DNER: variants seen among roughly 807,000 people sequenced by gnomAD.
DNER encodes delta and Notch-like epidermal growth factor-related receptor.
Under a neutral mutation model 78.2 loss-of-function variants are expected in DNER, and 33 were observed. That is an observed-to-expected ratio of 0.42 (90% CI 0.32 to 0.56). The LOEUF (loss-of-function observed/expected upper bound fraction) is 0.56, where lower values mean the gene tolerates loss of function less well. Among genes scored for constraint, DNER ranks in the 20% least tolerant of loss-of-function variants. DNER has a pLI of 0.11. For missense variants in DNER, 918 were observed against 975.3 expected, an observed-to-expected ratio of 0.94 and a Z score of 0.78; for synonymous variants, 417 against 384.8, an observed-to-expected ratio of 1.08 and a Z score of -0.98.
At chr2:229,533,956 A>T (rs902266047) in intron 5 of DNER, among the ~76,000 whole-genome samples, 1 of 152,258 alleles carries the variant, frequency 6.6e-6, no homozygotes, top group Non-Finnish European at 1.5e-5. Flanking sequence ...GATATTGTAA[A>T]ATGAAATGCA....
chr2:229,672,117 C>G (rs566287960), intron 1 of DNER, among the ~76,000 whole-genome samples: 1 of 152,112 alleles, frequency 6.6e-6, no homozygotes, highest in East Asian at 1.9e-4. Flanking sequence ...ATGATTTGCC[C>G]GTGAATCTGT....
At chr2:229,446,809 A>G (rs908207778) in intron 8 of DNER, among the ~76,000 whole-genome samples, 2 of 152,230 alleles carry the variant, frequency 1.3e-5, no homozygotes, top group African/African-American at 4.8e-5. Context: ...AGCCAGTGAT[A>G]TAACATAATG....
intron 1 of DNER, among the ~76,000 whole-genome samples, chr2:229,678,738 A>T (rs564465305): frequency 1.3e-5 from 2 of 152,242 alleles, no homozygotes. Context: ...AGAAAAGTAC[A>T]TCAACTCATT....
At chr2:229,687,911 C>T (rs1485905827) in intron 1 of DNER, among the ~76,000 whole-genome samples, 1 of 152,144 alleles carries the variant, frequency 6.6e-6, no homozygotes. Context: ...CATTTCATTC[C>T]TTTCTTCCTG....
In DNER at chr2:229,564,324, T is replaced by TTCCTCACCCCATCACCATCATCATCATCA. The variant is rs1559168369; in HGVS notation, c.848-17261_848-17233dup. Among the ~76,000 whole-genome samples, 10 of 32,632 alleles carry TTCCTCACCCCATCACCATCATCATCATCA rather than the reference T, an allele frequency of 3.1e-4. No individual in the cohort carries two copies. The East Asian group carries it at 0.011, about 35-fold the overall frequency. The allele number at this position is 32,632 out of a possible 152,430, so 21.4% of individuals were successfully genotyped here. On this transcript the variant is annotated intron_variant, in intron 4 of 12. Coordinates refer to ENST00000341772, the MANE Select transcript of DNER (RefSeq NM_139072.4). Reference sequence around the variant, plus strand: ...TCCTCACCCCATCACCATCATCATCTTCCTCACCCCATCACCATCATCATC... The same window carrying TTCCTCACCCCATCACCATCATCATCATCA: ...TCCTCACCCCATCACCATCATCATCTTCCTCACCCCATCACCATCATCATCATCATCCTCACCCCATCACCATCATCATC...
At position 229,639,990 on chromosome 2, in the gene DNER, C is replaced by G. The variant is rs182847448; in HGVS notation, c.277-48102G>C. On this transcript the variant is annotated intron_variant, in intron 1 of 12. Coordinates refer to ENST00000341772, the MANE Select transcript of DNER (RefSeq NM_139072.4). Reference sequence around the variant, plus strand: ...TTACAAGCATATATTTATGAAGGAGCCCTTGAAGAAAAACTGTACTGAGAA... The same window carrying G: ...TTACAAGCATATATTTATGAAGGAGGCCTTGAAGAAAAACTGTACTGAGAA... 2.0e-5 allele frequency among the ~76,000 whole-genome samples: 3 copies of G among 152,290 alleles called. No homozygotes were observed. The East Asian group carries it at 5.8e-4, about 29-fold the overall frequency.
At chr2:229,570,645 G>C (rs1477400310) in intron 4 of DNER, among the ~76,000 whole-genome samples, 2 of 149,750 alleles carry the variant, frequency 1.3e-5, no homozygotes, top group East Asian at 3.9e-4. Context: ...AAAATCAAGA[G>C]TGATACATTC....
chr2:229,549,756 C>T (rs1696695141), intron 4 of DNER, among the ~76,000 whole-genome samples: 1 of 151,776 alleles, frequency 6.6e-6, no homozygotes, highest in Non-Finnish European at 1.5e-5. Flanking sequence ...ACTAAAAATA[C>T]AAAAATTAGC....
rs145061764 is a variant in DNER at position 229,651,019 on chromosome 2, A to C, written c.277-59131T>G. On this transcript the variant is annotated intron_variant, in intron 1 of 12. Transcript: ENST00000341772. ...TTTGGGAGGCTTAGTGGAACTATCAATCAAGGCATGCCTAAAGGTGGCCCC... is the reference window on the plus strand; with the variant it reads ...TTTGGGAGGCTTAGTGGAACTATCACTCAAGGCATGCCTAAAGGTGGCCCC... 1.2e-3 allele frequency among the ~76,000 whole-genome samples: 177 copies of C among 152,260 alleles called. 2 individuals are homozygous for C. In the South Asian group the frequency reaches 0.019, roughly 16 times the overall value.
At chr2:229,521,024 G>A (rs981305176) in intron 5 of DNER, among the ~76,000 whole-genome samples, 54 of 152,188 alleles carry the variant, frequency 3.5e-4, no homozygotes, top group African/African-American at 1.1e-3. Flanking sequence ...ACTAGGGCAC[G>A]CCCAGCCCCA....
intron 5 of DNER, among the ~76,000 whole-genome samples, chr2:229,514,713 T>C (rs80288121): frequency 0.014 from 2,126 of 152,286 alleles, 49 homozygotes; most frequent in African/African-American, 0.049. Flanking sequence ...AGATTTCTTT[T>C]CTAAGAAAAA....
chr2:229,576,131 T>C (rs1333552244), intron 4 of DNER, among the ~76,000 whole-genome samples: 3 of 152,222 alleles, frequency 2.0e-5, no homozygotes, highest in Non-Finnish European at 4.4e-5. Context: ...TACTCAATTG[T>C]GGTTTTAAAA....
At chr2:229,647,837 G>A (rs543319897) in intron 1 of DNER, among the ~76,000 whole-genome samples, 1 of 152,316 alleles carries the variant, frequency 6.6e-6, no homozygotes, top group South Asian at 2.1e-4. Context: ...AAATATACTT[G>A]AAATCTATGA....
chr2:229,620,173 C>G (rs982245656), intron 1 of DNER, among the ~76,000 whole-genome samples: 10 of 152,188 alleles, frequency 6.6e-5, no homozygotes, highest in African/African-American at 2.2e-4. Context: ...TCACCCTCCC[C>G]TCCTGGGCCG....
intron 6 of DNER, among the ~76,000 whole-genome samples, chr2:229,494,026 A>G (rs1695455036): frequency 6.6e-6 from 1 of 152,152 alleles, no homozygotes; most frequent in South Asian, 2.1e-4. Context: ...AAGCTACATG[A>G]ACCTCTCTAG....
At chr2:229,526,165 T>C (rs547459671) in intron 5 of DNER, among the ~76,000 whole-genome samples, 2 of 152,326 alleles carry the variant, frequency 1.3e-5, no homozygotes, top group South Asian at 4.1e-4. Flanking sequence ...TAAACCTTTC[T>C]TGCTTTTGAA....
At chr2:229,513,586 G>T (rs915320314) in intron 5 of DNER, among the ~76,000 whole-genome samples, 4 of 152,182 alleles carry the variant, frequency 2.6e-5, no homozygotes, top group African/African-American at 4.8e-5. Context: ...TGAGATAGGT[G>T]CAAAATACAA....
chr2:229,568,525 T>C (rs1471242032), intron 4 of DNER, among the ~76,000 whole-genome samples: 1 of 152,228 alleles, frequency 6.6e-6, no homozygotes, highest in African/African-American at 2.4e-5. Context: ...AATACAAGTA[T>C]CGCACTAATA....
rs1378194093 is a variant in DNER, at chr2:229,678,222, A to T, written c.276+35926T>A. Reference sequence around the variant, plus strand: ...TTGCTACCCCCTAATTTACTAAAAAACCCTGGGTTAGTGTCCCCTTCGTAT... The same window carrying T: ...TTGCTACCCCCTAATTTACTAAAAATCCCTGGGTTAGTGTCCCCTTCGTAT... On this transcript the variant is annotated intron_variant, in intron 1 of 12. Coordinates refer to ENST00000341772, the MANE Select transcript of DNER (RefSeq NM_139072.4). 2.0e-5 allele frequency among the ~76,000 whole-genome samples: 3 copies of T among 152,136 alleles called. No homozygotes were observed. In the East Asian group the frequency reaches 5.8e-4, roughly 29 times the overall value.
Sources: allele counts gnomAD v4.1 joint callset (sites outside exome capture counted in the v4.1 genomes callset), GRCh38; gene constraint gnomAD v4.1.1; transcripts MANE v1.5; gene names NCBI Gene and HGNC (gene_info 2026-07-23, HGNC 2026-07-21).